LUZP2: variants seen among roughly 807,000 people sequenced by gnomAD.
LUZP2 encodes leucine zipper protein 2.
A neutral mutation model predicts 51.6 loss-of-function variants in LUZP2; 52 were observed. The observed-to-expected ratio is 1.01, with a 90% CI of 0.81 to 1.27. The LOEUF (loss-of-function observed/expected upper bound fraction) is 1.27. LUZP2 is among the 50% of genes most tolerant of loss of function. LUZP2 has a pLI of 0.00. For missense variants in LUZP2, 436 were observed against 395.4 expected, an observed-to-expected ratio of 1.10 and a Z score of -0.87; for synonymous variants, 154 against 137.3, an observed-to-expected ratio of 1.12 and a Z score of -0.85.
Position 24,757,093 on chromosome 11 carries a change from G to A in LUZP2, c.334-6153G>A, listed in dbSNP as rs557117397. 1.1e-4 allele frequency among the ~76,000 whole-genome samples: 16 copies of A among 152,288 alleles called. No individual in the cohort carries two copies. In the East Asian group the frequency reaches 1.2e-3, roughly 11 times the overall value. On this transcript the variant is annotated intron_variant, in intron 4 of 11. Coordinates refer to ENST00000336930, the MANE Select transcript of LUZP2 (RefSeq NM_001009909.4). ...CATGTGGCCCACCAGGAACATCTGC[G>A]TGCTTAGCTCAGGAGGGCCTGAGAA...
intron 9 of LUZP2, among the ~76,000 whole-genome samples, chr11:25,029,719 A>T (rs927131289): frequency 6.8e-6 from 1 of 146,758 alleles, no homozygotes; most frequent in Non-Finnish European, 1.5e-5. Flanking sequence ...CCTGGATTAC[A>T]GAGAGAGACT....
At chr11:24,967,582 C>A (rs1855624421) in intron 7 of LUZP2, among the ~76,000 whole-genome samples, 1 of 151,326 alleles carries the variant, frequency 6.6e-6, no homozygotes, top group East Asian at 1.9e-4. Context: ...AACTTTTTTT[C>A]TCTTCACTGT....
chr11:24,740,824 T>A (rs185057695), intron 4 of LUZP2, among the ~76,000 whole-genome samples: 7 of 152,250 alleles, frequency 4.6e-5, no homozygotes, highest in Admixed American at 4.6e-4. Flanking sequence ...CTGAGGCTTT[T>A]TCATTGTAAG....
chr11:25,018,726 G>A (rs1169124770), intron 9 of LUZP2, among the ~76,000 whole-genome samples: 2 of 149,812 alleles, frequency 1.3e-5, no homozygotes, highest in Non-Finnish European at 3.0e-5. Flanking sequence ...TCATGCCTCA[G>A]CCTCTCAAGT....
At chr11:24,632,968 A>G (rs548050563) in intron 1 of LUZP2, among the ~76,000 whole-genome samples, 11 of 152,124 alleles carry the variant, frequency 7.2e-5, no homozygotes, top group African/African-American at 2.6e-4. Context: ...AAGGAGTAAA[A>G]CATGTTGAGT....
At chr11:24,958,717 G>A (rs1374344259) in intron 7 of LUZP2, among the ~76,000 whole-genome samples, 1 of 152,174 alleles carries the variant, frequency 6.6e-6, no homozygotes, top group Non-Finnish European at 1.5e-5. Flanking sequence ...TGTTCACTCT[G>A]ATGTTAGTTT....
intron 1 of LUZP2, among the ~76,000 whole-genome samples, chr11:24,638,628 T>C (rs1401213106): frequency 1.3e-5 from 2 of 151,588 alleles, no homozygotes; most frequent in Non-Finnish European, 2.9e-5. Context: ...TTCTAAATTA[T>C]GCATTTTGTT....
chr11:24,703,490 A>G (rs1857476024), intron 1 of LUZP2, among the ~76,000 whole-genome samples: 3 of 152,164 alleles, frequency 2.0e-5, no homozygotes, highest in Admixed American at 2.0e-4. Context: ...AAATAGACAC[A>G]GTCAGGGAGT....
chr11:24,851,258 A>T (rs1851385903), intron 5 of LUZP2, among the ~76,000 whole-genome samples: 1 of 152,136 alleles, frequency 6.6e-6, no homozygotes, highest in Admixed American at 6.6e-5. Context: ...TTTGTGATAA[A>T]CAGCTCTTAT....
intron 9 of LUZP2, among the ~76,000 whole-genome samples, chr11:25,013,120 G>A (rs1458292697): frequency 1.3e-5 from 2 of 152,110 alleles, no homozygotes; most frequent in Non-Finnish European, 2.9e-5. Context: ...ATAAGCCGGG[G>A]ACCAAAAGTC....
intron 9 of LUZP2, among the ~76,000 whole-genome samples, chr11:25,043,402 T>C (rs1044032505): frequency 6.6e-6 from 1 of 152,040 alleles, no homozygotes; most frequent in Non-Finnish European, 1.5e-5. Context: ...CTTCAAGCGA[T>C]AGCTGTGTAA....
intron 1 of LUZP2, among the ~76,000 whole-genome samples, chr11:24,710,164 C>T (rs1295249870): frequency 2.0e-5 from 3 of 151,950 alleles, no homozygotes; most frequent in Admixed American, 6.6e-5. Context: ...TTCTGAACCA[C>T]GGTGATATTC....
chr11:25,018,503 T>C (rs1338046185), intron 9 of LUZP2, among the ~76,000 whole-genome samples: 1 of 152,164 alleles, frequency 6.6e-6, no homozygotes, highest in Non-Finnish European at 1.5e-5. Context: ...CAATCATTTA[T>C]TCTCCTCCAT....
chr11:24,789,514 A>G (rs1211861440), intron 5 of LUZP2, among the ~76,000 whole-genome samples: 1 of 152,190 alleles, frequency 6.6e-6, no homozygotes, highest in Non-Finnish European at 1.5e-5. Flanking sequence ...TTCCTGATGG[A>G]GTCCTGATTA....
At chr11:24,786,078 C>G in intron 5 of LUZP2, 1 of 985,266 alleles carries the variant, frequency 1.0e-6, no homozygotes, top group Non-Finnish European at 1.2e-6. Flanking sequence ...TTTTCATCGG[C>G]TGGCACCTGG....
chr11:24,837,039 C>T (rs1455922114), intron 5 of LUZP2, among the ~76,000 whole-genome samples: 2 of 127,238 alleles, frequency 1.6e-5, no homozygotes, highest in Non-Finnish European at 3.4e-5. Flanking sequence ...TATTGACAAC[C>T]TTGGAACTGT....
At chr11:24,641,303 A>G (rs1855273104) in intron 1 of LUZP2, among the ~76,000 whole-genome samples, 1 of 151,822 alleles carries the variant, frequency 6.6e-6, no homozygotes, top group East Asian at 1.9e-4. Context: ...ATATAATATG[A>G]TATCAACAAC....
At chr11:25,027,886 G>GATA (rs1174189551) in intron 9 of LUZP2, among the ~76,000 whole-genome samples, 1 of 133,308 alleles carries the variant, frequency 7.5e-6, no homozygotes, top group Non-Finnish European at 1.5e-5. Context: ...AAAAAAAAAG[G>GATA]TGTTTAGATT....
At chr11:24,744,196 G>A (rs1361153249) in intron 4 of LUZP2, among the ~76,000 whole-genome samples, 1 of 152,028 alleles carries the variant, frequency 6.6e-6, no homozygotes, top group Non-Finnish European at 1.5e-5. Flanking sequence ...TCCCTTCCTG[G>A]TTTTGGTAAT....
Sources: allele counts gnomAD v4.1 joint callset (sites outside exome capture counted in the v4.1 genomes callset), GRCh38; gene constraint gnomAD v4.1.1; transcripts MANE v1.5; gene names NCBI Gene and HGNC (gene_info 2026-07-23, HGNC 2026-07-21).